KDM4C: variants seen among roughly 807,000 people sequenced by gnomAD.
KDM4C encodes the protein lysine-specific demethylase 4C.
A neutral mutation model predicts 129.3 loss-of-function variants in KDM4C; 81 were observed. The ratio of observed to expected loss-of-function variants is 0.63; its 90% confidence interval spans 0.52 to 0.75. The LOEUF (loss-of-function observed/expected upper bound fraction) is 0.75, where lower values mean the gene tolerates loss of function less well. Ranked by LOEUF, KDM4C falls within the 30% of genes least tolerant of loss-of-function variation. The pLI is 0.00. For missense variants in KDM4C, 1,457 were observed against 1,304.0 expected, an observed-to-expected ratio of 1.12 and a Z score of -1.81; for synonymous variants, 573 against 456.1, an observed-to-expected ratio of 1.26 and a Z score of -3.26.
intron 8 of KDM4C, chr9:6,925,124 C>T (rs568068230): frequency 2.0e-5 from 20 of 985,252 alleles, no homozygotes; most frequent in Non-Finnish European, 2.3e-5. Flanking sequence ...CCTCTTTGAA[C>T]TCTTTCATGG....
chr9:6,853,860 C>G (rs111793314), intron 5 of KDM4C, among the ~76,000 whole-genome samples: 56 of 152,296 alleles, frequency 3.7e-4, no homozygotes, highest in Non-Finnish European at 7.8e-4. Flanking sequence ...AATCACTACA[C>G]TCCTTTCATC....
rs577847802 is a variant in KDM4C, at chr9:6,951,550, A to G, written c.922-29375A>G. ...TTGGGAACAGGAGTTAAGAGTGTGT[A>G]TTTATGGTGGGGGCTATTGAGTATC... is the stretch of plus-strand genomic sequence containing the variant. On this transcript the variant is annotated intron_variant, in intron 8 of 21. Coordinates refer to ENST00000381309, the MANE Select transcript of KDM4C (RefSeq NM_015061.6). Among the ~76,000 whole-genome samples the G allele has an allele frequency of 3.3e-5, 5 of 152,256 alleles. No individual in the cohort carries two copies. The East Asian group carries it at 9.6e-4, about 29-fold the overall frequency.
intron 17 of KDM4C, among the ~76,000 whole-genome samples, chr9:7,098,195 C>A (rs1193030127): frequency 6.6e-6 from 1 of 152,148 alleles, no homozygotes; most frequent in African/African-American, 2.4e-5. Flanking sequence ...ACTCATTAGC[C>A]TTATTTTGAA....
chr9:6,998,571 G>T (rs950343184), intron 12 of KDM4C, among the ~76,000 whole-genome samples: 1 of 152,142 alleles, frequency 6.6e-6, no homozygotes, highest in African/African-American at 2.4e-5. Flanking sequence ...CGAGGCAGGC[G>T]GATCACCTGA....
chr9:7,056,197 A>G (rs563227639), intron 17 of KDM4C, among the ~76,000 whole-genome samples: 8 of 152,364 alleles, frequency 5.3e-5, no homozygotes, highest in South Asian at 2.1e-4. Flanking sequence ...AAGAGGTACT[A>G]TACTACAGAT....
intron 1 of KDM4C, among the ~76,000 whole-genome samples, chr9:6,768,700 AT>A (rs1423360955): frequency 6.6e-6 from 1 of 151,688 alleles, no homozygotes; most frequent in Non-Finnish European, 1.5e-5. Flanking sequence ...TTTGAGAAGG[AT>A]TTTCATGATC....
rs202041077 is a variant in KDM4C at position 6,728,239 on chromosome 9, A to C, written c.49+7242A>C. Among the ~76,000 whole-genome samples the C allele has an allele frequency of 1.6e-4, 25 of 152,316 alleles. No homozygotes were observed. In the East Asian group the frequency reaches 4.8e-3, roughly 29 times the overall value. On this transcript the variant is annotated intron_variant, in intron 1 of 17. Transcript: ENST00000536108. ...CGTATTTAAATTCTCTGAGTATTAA[A>C]AACCAAGTATTCTTGGCCGGATGTG...
intron 15 of KDM4C, among the ~76,000 whole-genome samples, chr9:7,021,120 A>ATATG (rs1554701954): frequency 1.3e-4 from 17 of 128,356 alleles, no homozygotes; most frequent in African/African-American, 4.6e-4. Context: ...ACATATATAT[A>ATATG]TGTGTGTGTG....
At chr9:6,840,724 C>T (rs1836764867) in intron 4 of KDM4C, among the ~76,000 whole-genome samples, 1 of 152,166 alleles carries the variant, frequency 6.6e-6, no homozygotes, top group South Asian at 2.1e-4. Context: ...AATAAGGAGT[C>T]CTGTAAGTTA....
intron 15 of KDM4C, among the ~76,000 whole-genome samples, chr9:7,028,720 G>T (rs1186292667): frequency 6.6e-6 from 1 of 152,044 alleles, no homozygotes; most frequent in Non-Finnish European, 1.5e-5. Flanking sequence ...ACTCTAGCCC[G>T]TGGTGGCAAG....
rs544768366 is a variant in KDM4C at position 6,779,306 on chromosome 9, G to A, written c.-17-13666G>A. On this transcript the variant is annotated intron_variant, in intron 1 of 21. Coordinates refer to ENST00000381309, the MANE Select transcript of KDM4C (RefSeq NM_015061.6). Reference sequence around the variant, plus strand: ...GCTGGGATTACAGGCGTGAGCCACCGTGCCTGGCTGATTAAAGTCTTTTAA... The same window carrying A: ...GCTGGGATTACAGGCGTGAGCCACCATGCCTGGCTGATTAAAGTCTTTTAA... 6.6e-5 allele frequency among the ~76,000 whole-genome samples: 10 copies of A among 152,222 alleles called. No individual in the cohort carries two copies. In the East Asian group the frequency reaches 1.7e-3, roughly 26 times the overall value.
rs1003425484 is a variant in KDM4C at position 6,805,905 on chromosome 9, A to T, written c.320+131A>T. On this transcript the variant is annotated intron_variant, in intron 3 of 21. Coordinates refer to ENST00000381309, the MANE Select transcript of KDM4C (RefSeq NM_015061.6). The stretch of plus-strand genomic sequence containing the variant: ...CATGCAATTTTTCACCCTTCATTGA[A>T]CTGTTTCTGTTTTCTGTTCTTTAGG... 1.2e-5 allele frequency: 9 copies of T among 744,434 alleles called. No homozygotes were observed. In the Admixed American group the frequency reaches 3.1e-4, roughly 25 times the overall value. The allele number at this position is 744,434 out of a possible 1,614,324, so 46.1% of individuals were successfully genotyped here.
chr9:7,127,925 C>T (rs1840190215), intron 18 of KDM4C, 141 bp from the exon 19 acceptor site: 2 of 661,704 alleles, frequency 3.0e-6, no homozygotes, highest in Non-Finnish European at 4.6e-6. Context: ...TGAAATTATT[C>T]TTCAATATTA....
chr9:6,780,207 G>A (rs1387592720), intron 1 of KDM4C, among the ~76,000 whole-genome samples: 2 of 152,074 alleles, frequency 1.3e-5, no homozygotes, highest in African/African-American at 4.8e-5. Context: ...AGCTGTGTAA[G>A]TATGAGATAT....
intron 8 of KDM4C, among the ~76,000 whole-genome samples, chr9:6,903,865 A>G (rs1817824011): frequency 6.6e-6 from 1 of 151,650 alleles, no homozygotes; most frequent in African/African-American, 2.4e-5. Context: ...ATATATCTGT[A>G]TCTTTTCGAA....
intron 18 of KDM4C, among the ~76,000 whole-genome samples, chr9:7,114,594 G>A (rs1838687805): frequency 6.6e-6 from 1 of 152,076 alleles, no homozygotes; most frequent in Non-Finnish European, 1.5e-5. Context: ...TTATAAAACT[G>A]CAAATTGACC....
At chr9:7,156,385 T>C (rs1236309605) in intron 19 of KDM4C, among the ~76,000 whole-genome samples, 3 of 152,236 alleles carry the variant, frequency 2.0e-5, no homozygotes, top group Non-Finnish European at 2.9e-5. Context: ...ATTTTGGCTT[T>C]TGTTGCCATT....
chr9:7,036,461 C>T (rs1827663497), intron 15 of KDM4C, among the ~76,000 whole-genome samples: 1 of 152,118 alleles, frequency 6.6e-6, no homozygotes, highest in Admixed American at 6.5e-5. Context: ...TAATATGTGC[C>T]TGGCTTGTAA....
intron 4 of KDM4C, among the ~76,000 whole-genome samples, chr9:6,847,653 G>A (rs1838094377): frequency 6.6e-6 from 1 of 152,182 alleles, no homozygotes; most frequent in Admixed American, 6.5e-5. Context: ...GCCTCCCAAA[G>A]TGCTGGGATT....
Sources: allele counts gnomAD v4.1 joint callset (sites outside exome capture counted in the v4.1 genomes callset), GRCh38; gene constraint gnomAD v4.1.1; transcripts MANE v1.5; gene names NCBI Gene and HGNC (gene_info 2026-07-23, HGNC 2026-07-21).